The following FADS6 variants were observed in gnomAD, a reference collection of about 807,000 sequenced individuals.
FADS6 encodes the protein fatty acid desaturase 6.
Under a neutral mutation model 31.7 loss-of-function variants are expected in FADS6, and 28 were observed. The observed-to-expected ratio is 0.88, with a 90% CI of 0.66 to 1.21. The LOEUF (loss-of-function observed/expected upper bound fraction) is 1.21. FADS6 is among the 50% of genes most tolerant of loss of function. The pLI, the probability that FADS6 is intolerant of heterozygous loss-of-function variation, is 0.00. For synonymous variants in FADS6, 191 were observed against 213.1 expected (o/e 0.90, Z 0.90); for missense variants, 494 against 504.2 (o/e 0.98, Z 0.19).
rs902693595 is a variant in FADS6 at position 74,888,440 on chromosome 17, G to A, written c.411+4083C>T. ...TTAGGCAACAGCTCTCGAGGTTTGC[G>A]TGGGAACAGGCAGAGAGAAGGTTGG... is the stretch of plus-strand genomic sequence containing the variant. On this transcript the variant is annotated intron_variant, in intron 2 of 5. Coordinates refer to ENST00000612771, the MANE Select transcript of FADS6 (RefSeq NM_178128.6). 5.3e-5 allele frequency among the ~76,000 whole-genome samples: 8 copies of A among 152,322 alleles called. No individual in the cohort carries two copies. In the East Asian group the frequency reaches 9.6e-4, roughly 18 times the overall value.
intron 2 of FADS6, among the ~76,000 whole-genome samples, chr17:74,883,411 C>T (rs573746383): frequency 6.2e-4 from 94 of 152,272 alleles, no homozygotes; most frequent in Non-Finnish European, 1.1e-3. Flanking sequence ...AAGCCTCTTC[C>T]GATATTTTAT....
intron 2 of FADS6, among the ~76,000 whole-genome samples, chr17:74,888,142 A>ACGCG (rs767299409): frequency 3.1e-4 from 34 of 109,752 alleles, no homozygotes; most frequent in South Asian, 1.6e-3. Flanking sequence ...ACACACACAC[A>ACGCG]CACACACACA....
rs1389296145 is a variant in FADS6, at chr17:74,881,225, G to A, written c.623C>T (p.Ala208Val). 6.2e-7 allele frequency: 1 copy of A among 1,603,946 alleles called. No individual in the cohort carries two copies. Among genetic ancestry groups the A allele is most frequent in the Non-Finnish European group, 8.5e-7 (1 of 1,175,554 alleles). Residue 208 changes from alanine (A) to valine (V), a missense_variant, in exon 4 of 6, where the codon GCC becomes GTC. Physicochemically the swap from Ala to Val is moderately conservative, Grantham distance 64. Coordinates refer to ENST00000612771, the MANE Select transcript of FADS6 (RefSeq NM_178128.6). ...AGAAATCAGGGCCAGCGTCCGCAGG[G>A]CTGTCCCGAGCTCCACCTTCCTCAG... ...ERLRKVELGT[A>V]LRTLALISLG...
At chr17:74,890,688 T>G (rs1390058315) in intron 2 of FADS6, among the ~76,000 whole-genome samples, 1 of 152,104 alleles carries the variant, frequency 6.6e-6, no homozygotes, top group East Asian at 1.9e-4. Flanking sequence ...ATGAAGCCAC[T>G]GGGCTTACGG....
At chr17:74,881,940 AT>A (rs111794833) in intron 3 of FADS6, among the ~76,000 whole-genome samples, 10,338 of 144,234 alleles carry the variant, frequency 0.072, 379 homozygotes, top group Admixed American at 0.1. Context: ...TCTGCAAAGC[AT>A]TTTTTTTTTT....
chr17:74,892,772 GC>G, intron 1 of FADS6, 83 bp from the exon 2 acceptor site: 1 of 1,386,996 alleles, frequency 7.2e-7, no homozygotes, highest in Non-Finnish European at 9.6e-7. Flanking sequence ...TACCCTGGGA[GC>G]CCAGGCTAAA....
At chr17:74,884,991 A>G (rs2038608754) in intron 2 of FADS6, among the ~76,000 whole-genome samples, 1 of 152,118 alleles carries the variant, frequency 6.6e-6, no homozygotes, top group South Asian at 2.1e-4. Flanking sequence ...ATACAGCGTG[A>G]GCCACTGCGC....
chr17:74,882,111 A>G (rs1186549853), intron 3 of FADS6, among the ~76,000 whole-genome samples: 1 of 151,812 alleles, frequency 6.6e-6, no homozygotes, highest in African/African-American at 2.4e-5. Context: ...AATTTTTTGT[A>G]TTTTAGTGGA....
rs531002706 is a variant in FADS6 at position 74,892,421 on chromosome 17, G to A, written c.411+102C>T. 3.6e-6 allele frequency: 5 copies of A among 1,404,876 alleles called. No homozygotes were observed. The African/African-American group carries it at 5.8e-5, about 16-fold the overall frequency. The allele number at this position is 1,404,876 out of a possible 1,614,324, so 87.0% of individuals were successfully genotyped here. A position where few individuals can be genotyped will look rare whatever the true frequency, so the allele number is the denominator to read the frequency against. On this transcript the variant is annotated intron_variant, in intron 2 of 5. Coordinates refer to ENST00000612771, the MANE Select transcript of FADS6 (RefSeq NM_178128.6). ...CCATCAGCTGCAGCGGCCTGCCCCC[G>A]TGGGCACATGCACAGCTGGACACAC...
At chr17:74,884,703 A>G (rs1309244460) in intron 2 of FADS6, among the ~76,000 whole-genome samples, 3 of 117,678 alleles carry the variant, frequency 2.5e-5, no homozygotes. Flanking sequence ...ACACTTTTCA[A>G]TGACCAGATC....
chr17:74,888,198 G>C (rs1210008430), intron 2 of FADS6, among the ~76,000 whole-genome samples: 1 of 150,632 alleles, frequency 6.6e-6, no homozygotes, highest in East Asian at 2.0e-4. Context: ...CGTTTCCTTG[G>C]TTTTGATATT....
At chr17:74,885,956 C>T (rs1341139000) in intron 2 of FADS6, among the ~76,000 whole-genome samples, 2 of 152,080 alleles carry the variant, frequency 1.3e-5, no homozygotes, top group Non-Finnish European at 2.9e-5. Flanking sequence ...GAGTTCAAGA[C>T]CAGCCAGGCG....
At chr17:74,883,394 C>G (rs576603371) in intron 2 of FADS6, among the ~76,000 whole-genome samples, 2 of 152,344 alleles carry the variant, frequency 1.3e-5, no homozygotes, top group South Asian at 4.1e-4. Flanking sequence ...AAATGGTATG[C>G]AGATGTAAGC....
Position 74,892,691 on chromosome 17 carries a change from T to C in FADS6, c.245-2A>G, listed in dbSNP as rs769331544. 1.2e-6 allele frequency: 2 copies of C among 1,609,724 alleles called. No individual in the cohort carries two copies. Among genetic ancestry groups the C allele is most frequent in the Admixed American group, 1.7e-5 (1 of 59,578 alleles). ...TCTCCCAGCGCAGGCACAGGAAGCC[T>C]GCGTGGAGAGGAGGAAGAAGACGGG... is the stretch of plus-strand genomic sequence containing the variant. On this transcript the variant is annotated splice_acceptor_variant, in intron 1 of 5. Transcript: ENST00000612771. LOFTEE classifies it high-confidence loss of function.
At chr17:74,892,386 G>A (rs1266782521) in intron 2 of FADS6, 137 bp downstream of exon 2, 1 of 1,066,874 alleles carries the variant, frequency 9.4e-7, no homozygotes, top group Non-Finnish European at 1.3e-6. Context: ...TGCACCAGTG[G>A]ACCGGCATAC....
intron 2 of FADS6, among the ~76,000 whole-genome samples, chr17:74,883,904 G>A (rs930135125): frequency 2.0e-5 from 3 of 152,160 alleles, no homozygotes; most frequent in Middle Eastern, 3.2e-3. Flanking sequence ...CTGGCTTCAT[G>A]TGATCCACCC....
chr17:74,882,830 C>T (rs1271558503), intron 2 of FADS6, 120 bp from the exon 3 acceptor site: 4 of 1,530,472 alleles, frequency 2.6e-6, no homozygotes, highest in Non-Finnish European at 3.5e-6. Context: ...CCAGGGCCGT[C>T]CTGCCTTACA....
In FADS6 at chr17:74,879,467, C is replaced by T. The variant is rs1270541200; in HGVS notation, c.897G>A (p.Ser299=). The T allele has an allele frequency of 3.1e-6, 5 of 1,613,920 alleles. No individual in the cohort carries two copies. Among genetic ancestry groups the T allele is most frequent in the Non-Finnish European group, 3.4e-6 (4 of 1,179,898 alleles). ...GGTGTTCCACATGGCAGCTGATGAT[C>T]GAGTGGCCGAACGCCCAGTCCAGCA... ...LPVLDWAFGH[S]IISCHVEHHL... The change falls in exon 5 of 6, where the codon TCG becomes TCA. Residue 299 remains serine, a synonymous_variant. Coordinates refer to ENST00000612771, the MANE Select transcript of FADS6 (RefSeq NM_178128.6).
At chr17:74,881,024 T>C (rs1432906437) in intron 4 of FADS6, 44 bp downstream of exon 4, 4 of 1,564,932 alleles carry the variant, frequency 2.6e-6, no homozygotes, top group African/African-American at 2.7e-5. Flanking sequence ...CCCTGGAGAA[T>C]GCTCCCCTTA....
Sources: allele counts gnomAD v4.1 joint callset (sites outside exome capture counted in the v4.1 genomes callset), GRCh38; gene constraint gnomAD v4.1.1; transcripts MANE v1.5; gene names NCBI Gene and HGNC (gene_info 2026-07-23, HGNC 2026-07-21).